The following ASTN2 variants were observed in gnomAD, a reference collection of about 807,000 sequenced individuals.
ASTN2 encodes the protein astrotactin 2.
Under a neutral mutation model 139.8 loss-of-function variants are expected in ASTN2, and 54 were observed. That is an observed-to-expected ratio of 0.39 (90% CI 0.31 to 0.48). ASTN2 has a LOEUF of 0.48. Among genes scored for constraint, ASTN2 ranks in the 20% least tolerant of loss-of-function variants. ASTN2 has a pLI of 0.95. For missense variants in ASTN2, 1,565 were observed against 1,725.1 expected (o/e 0.91, Z 1.64); for synonymous variants, 756 against 719.5 (o/e 1.05, Z -0.81).
At chr9:116,522,170 T>C (rs1487319661) in intron 19 of ASTN2, among the ~76,000 whole-genome samples, 1 of 152,072 alleles carries the variant, frequency 6.6e-6, no homozygotes, top group Non-Finnish European at 1.5e-5. Context: ...TAGGTATATA[T>C]CTAGAGTAAA....
chr9:116,730,948 C>T (rs567601185), intron 14 of ASTN2, among the ~76,000 whole-genome samples: 1 of 152,166 alleles, frequency 6.6e-6, no homozygotes, highest in Non-Finnish European at 1.5e-5. Flanking sequence ...AGGTCAAGGT[C>T]ACGGTCTATA....
intron 13 of ASTN2, among the ~76,000 whole-genome samples, chr9:116,758,350 G>GT (rs1829587371): frequency 6.6e-6 from 1 of 152,148 alleles, no homozygotes. Context: ...TTCCTGAGCA[G>GT]TATGGGCTTG....
chr9:116,604,553 C>T (rs538639010), intron 19 of ASTN2, among the ~76,000 whole-genome samples: 3 of 152,148 alleles, frequency 2.0e-5, no homozygotes, highest in African/African-American at 7.2e-5. Context: ...CGGGTGAGGT[C>T]CCCTCTAGTT....
intron 6 of ASTN2, among the ~76,000 whole-genome samples, chr9:117,031,435 A>G (rs891321613): frequency 1.3e-5 from 2 of 152,144 alleles, no homozygotes; most frequent in African/African-American, 2.4e-5. Flanking sequence ...TTAACTTTAC[A>G]AAAAAATTCA....
At chr9:116,640,971 G>C (rs974117744) in intron 17 of ASTN2, among the ~76,000 whole-genome samples, 2 of 152,122 alleles carry the variant, frequency 1.3e-5, no homozygotes, top group Non-Finnish European at 2.9e-5. Flanking sequence ...GTGGGGAATG[G>C]GTGCAGGTGG....
chr9:116,930,331 A>G (rs983160932), intron 10 of ASTN2, among the ~76,000 whole-genome samples: 1 of 152,082 alleles, frequency 6.6e-6, no homozygotes, highest in Admixed American at 6.6e-5. Flanking sequence ...CCTGACCTGG[A>G]CTCTGAATGA....
intron 10 of ASTN2, among the ~76,000 whole-genome samples, chr9:116,912,556 G>A (rs1159831432): frequency 7.2e-5 from 11 of 152,152 alleles, no homozygotes; most frequent in Admixed American, 7.2e-4. Context: ...TGTAGTTGTT[G>A]AATTCCTTTA....
intron 14 of ASTN2, among the ~76,000 whole-genome samples, chr9:116,731,210 AATAATAATAATAAT>A: frequency 6.9e-6 from 1 of 144,434 alleles, no homozygotes; most frequent in East Asian, 2.0e-4. Flanking sequence ...TAATAATAAT[AATAATAATAATAAT>A]AAATCTTTTG....
At chr9:116,838,412 A>G (rs899949633) in intron 11 of ASTN2, among the ~76,000 whole-genome samples, 5 of 149,786 alleles carry the variant, frequency 3.3e-5, no homozygotes, top group Non-Finnish European at 5.9e-5. Flanking sequence ...CACCCAGCCA[A>G]AAATTTCCAG....
At chr9:117,309,757 G>A (rs1329568222) in intron 1 of ASTN2, among the ~76,000 whole-genome samples, 1 of 152,136 alleles carries the variant, frequency 6.6e-6, no homozygotes, top group Non-Finnish European at 1.5e-5. Flanking sequence ...AGCCCTGGAA[G>A]CAGCTGGGTG....
intron 19 of ASTN2, chr9:116,582,982 A>C (rs1374463980): frequency 6.6e-6 from 1 of 152,196 alleles, no homozygotes; most frequent in Non-Finnish European, 1.5e-5. Context: ...CTTGGAATGC[A>C]ATGCTGAGTG....
At chr9:116,516,976 A>T (rs1210618447) in intron 19 of ASTN2, among the ~76,000 whole-genome samples, 1 of 152,206 alleles carries the variant, frequency 6.6e-6, no homozygotes, top group Non-Finnish European at 1.5e-5. Flanking sequence ...CCACACAAGG[A>T]CAGGCTGAGC....
intron 5 of ASTN2, among the ~76,000 whole-genome samples, chr9:117,089,246 T>C (rs1365271876): frequency 6.6e-6 from 1 of 152,230 alleles, no homozygotes. Flanking sequence ...CCAAGGTCAC[T>C]AAGCTAGTTA....
At chr9:116,614,746 G>C (rs906169138) in intron 19 of ASTN2, among the ~76,000 whole-genome samples, 5 of 152,138 alleles carry the variant, frequency 3.3e-5, no homozygotes, top group Non-Finnish European at 5.9e-5. Context: ...AGACTTAAAT[G>C]TTAGACCTAA....
intron 1 of ASTN2, among the ~76,000 whole-genome samples, chr9:117,302,308 T>A (rs1455994185): frequency 6.6e-6 from 1 of 152,108 alleles, no homozygotes; most frequent in African/African-American, 2.4e-5. Context: ...CAATGATCTA[T>A]CCCACCCATT....
chr9:116,587,097 T>C (rs1022031793), intron 19 of ASTN2, among the ~76,000 whole-genome samples: 21 of 151,950 alleles, frequency 1.4e-4, no homozygotes, highest in Non-Finnish European at 2.6e-4. Flanking sequence ...TCCCAACACT[T>C]TGGGAGGCTG....
intron 10 of ASTN2, among the ~76,000 whole-genome samples, chr9:116,905,780 G>A (rs1311994920): frequency 6.8e-6 from 1 of 147,438 alleles, no homozygotes; most frequent in Non-Finnish European, 1.5e-5. Context: ...GGTGGCTTAA[G>A]GGTAGACCTC....
At chr9:116,675,101 C>A (rs368965978) in intron 16 of ASTN2, among the ~76,000 whole-genome samples, 3 of 152,178 alleles carry the variant, frequency 2.0e-5, no homozygotes, top group Non-Finnish European at 4.4e-5. Context: ...AGTGCCCCCC[C>A]ACGCTCCAGC....
At chr9:116,440,874 C>A in intron 21 of ASTN2, 82 bp from the exon 22 acceptor site, 1 of 1,397,054 alleles carries the variant, frequency 7.2e-7, no homozygotes. Context: ...ATAAGAAAGG[C>A]ACAGTGGTGA....
Sources: gnomAD v4.1 joint callset for allele counts (sites outside exome capture counted in the v4.1 genomes callset) on GRCh38, gnomAD v4.1.1 for gene constraint, MANE v1.5 for transcripts, NCBI Gene and HGNC (gene_info 2026-07-23, HGNC 2026-07-21) for gene names.